Variants in DDAH1 observed in about 807,000 individuals in gnomAD.
DDAH1 encodes the protein N(G),N(G)-dimethylarginine dimethylaminohydrolase 1.
Under a neutral mutation model 28.8 loss-of-function variants are expected in DDAH1, and 19 were observed. That is an observed-to-expected ratio of 0.66 (90% CI 0.46 to 0.97). The LOEUF (loss-of-function observed/expected upper bound fraction) is 0.97. Among genes scored for constraint, DDAH1 ranks in the 50% least tolerant of loss-of-function variants. The pLI is 0.00. For missense variants in DDAH1, 326 were observed against 375.9 expected (o/e 0.87, Z 1.10); for synonymous variants, 153 against 154.4 (o/e 0.99, Z 0.07).
chr1:85,351,606 G>A (rs376827550), intron 2 of DDAH1, 27 bp from the exon 3 acceptor site: 887 of 1,563,230 alleles, frequency 5.7e-4, no homozygotes, highest in Admixed American at 1.2e-3. Flanking sequence ...GGAACATAGT[G>A]AGCAGGTGGC....
intron 1 of DDAH1, among the ~76,000 whole-genome samples, chr1:85,446,627 G>C (rs1478199412): frequency 2.0e-5 from 3 of 152,034 alleles, no homozygotes; most frequent in African/African-American, 7.2e-5. Context: ...TACCTTTTGA[G>C]GCCTAATATC....
At chr1:85,340,611 C>G (rs377092792) in intron 4 of DDAH1, among the ~76,000 whole-genome samples, 3 of 152,178 alleles carry the variant, frequency 2.0e-5, no homozygotes, top group African/African-American at 2.4e-5. Flanking sequence ...TTTCCTAGTC[C>G]AGATCCTCCA....
intron 2 of DDAH1, among the ~76,000 whole-genome samples, chr1:85,487,285 C>G (rs1656237447): frequency 6.6e-6 from 1 of 152,192 alleles, no homozygotes. Context: ...GAATACATGT[C>G]ATGTGGGCAC....
chr1:85,362,959 C>T (rs1310152056), intron 1 of DDAH1, among the ~76,000 whole-genome samples: 3 of 151,992 alleles, frequency 2.0e-5, no homozygotes, highest in African/African-American at 2.4e-5. Flanking sequence ...AAAGAACTCC[C>T]AAAAAACCCA....
chr1:85,329,926 G>A (rs1381220364), intron 4 of DDAH1, among the ~76,000 whole-genome samples: 1 of 152,182 alleles, frequency 6.6e-6, no homozygotes, highest in Non-Finnish European at 1.5e-5. Flanking sequence ...CAAGAAATAT[G>A]CTTTTCCCCC....
At chr1:85,544,314 T>G (rs557078866) in intron 1 of DDAH1, among the ~76,000 whole-genome samples, 1 of 152,196 alleles carries the variant, frequency 6.6e-6, no homozygotes, top group African/African-American at 2.4e-5. Context: ...GTGGCATTGC[T>G]TGACAGACAG....
intron 1 of DDAH1, among the ~76,000 whole-genome samples, chr1:85,428,174 G>A (rs573285998): frequency 2.4e-4 from 36 of 152,228 alleles, no homozygotes; most frequent in African/African-American, 8.4e-4. Context: ...CTCAGAAGAA[G>A]GATATTATTG....
chr1:85,480,762 T>A (rs1146393), intron 2 of DDAH1, among the ~76,000 whole-genome samples: 66,045 of 151,636 alleles, frequency 0.44, 14,828 homozygotes, highest in South Asian at 0.51. Flanking sequence ...ATAAATAAAT[T>A]AATTAATTAA....
At chr1:85,438,326 C>T (rs684569) in intron 1 of DDAH1, among the ~76,000 whole-genome samples, 150,667 of 152,290 alleles carry the variant, frequency 0.99, 74,552 homozygotes, top group East Asian at 1. Flanking sequence ...GAACCTAAAA[C>T]AAAAACTAGA....
At chr1:85,351,437 G>A in intron 3 of DDAH1, 69 bp downstream of exon 3, 1 of 1,238,294 alleles carries the variant, frequency 8.1e-7, no homozygotes, top group Non-Finnish European at 1.2e-6. Context: ...TCATGACATT[G>A]ATTCAATGGT....
At chr1:85,565,431 G>T (rs750413776) in intron 1 of DDAH1, among the ~76,000 whole-genome samples, 3 of 152,072 alleles carry the variant, frequency 2.0e-5, no homozygotes, top group Non-Finnish European at 2.9e-5. Context: ...TATTAGTATT[G>T]CTCTCATGTC....
rs567536234 is a variant in DDAH1 at position 85,545,034 on chromosome 1, A to G, written c.-123+32950T>C. ...GAGCTGCAAAATCTAACATTATATG[A>G]GATATTTTCAAGAAATATTTTGAGC... On this transcript the variant is annotated intron_variant, in intron 1 of 6. Coordinates refer to the DDAH1 transcript ENST00000426972. 3.3e-5 allele frequency among the ~76,000 whole-genome samples: 5 copies of G among 152,288 alleles called. No individual in the cohort carries two copies. The South Asian group carries it at 1.0e-3, about 32-fold the overall frequency.
chr1:85,403,248 C>CAT (rs1163990219), intron 1 of DDAH1, among the ~76,000 whole-genome samples: 2 of 150,450 alleles, frequency 1.3e-5, no homozygotes, highest in Non-Finnish European at 3.0e-5. Context: ...TATATATACA[C>CAT]ACACACATGC....
chr1:85,384,566 A>C (rs1157884458), intron 1 of DDAH1, among the ~76,000 whole-genome samples: 5 of 152,178 alleles, frequency 3.3e-5, no homozygotes, highest in African/African-American at 1.2e-4. Flanking sequence ...TGTTTCATAT[A>C]GTTGGTCCAG....
At chr1:85,515,694 G>C (rs1274452688) in intron 1 of DDAH1, among the ~76,000 whole-genome samples, 1 of 151,944 alleles carries the variant, frequency 6.6e-6, no homozygotes, top group Non-Finnish European at 1.5e-5. Flanking sequence ...AGAAACCTGA[G>C]TATGACTTCT....
intron 1 of DDAH1, among the ~76,000 whole-genome samples, chr1:85,417,799 T>G (rs112552646): frequency 2.7e-3 from 407 of 152,326 alleles, no homozygotes; most frequent in South Asian, 8.1e-3. Context: ...AAGAGTGAAT[T>G]TAGAAAATCA....
chr1:85,465,545 T>G (rs1290847835), upstream of DDAH1, among the ~76,000 whole-genome samples: 1 of 152,208 alleles, frequency 6.6e-6, no homozygotes, highest in Admixed American at 6.5e-5. Flanking sequence ...AAACCTTGCG[T>G]GCTTACAAAG....
intron 1 of DDAH1, among the ~76,000 whole-genome samples, chr1:85,401,239 T>C (rs1487510286): frequency 6.6e-6 from 1 of 152,146 alleles, no homozygotes; most frequent in Non-Finnish European, 1.5e-5. Context: ...CAGGTTACAG[T>C]CCTAAAATGA....
chr1:85,372,159 A>ATGAT (rs1650419157), intron 1 of DDAH1, among the ~76,000 whole-genome samples: 1 of 152,190 alleles, frequency 6.6e-6, no homozygotes, highest in Non-Finnish European at 1.5e-5. Flanking sequence ...AGCATGGCAA[A>ATGAT]TGATTTTGTA....
Sources: gnomAD v4.1 joint callset for allele counts (sites outside exome capture counted in the v4.1 genomes callset) on GRCh38, gnomAD v4.1.1 for gene constraint, MANE v1.5 for transcripts, NCBI Gene and HGNC (gene_info 2026-07-23, HGNC 2026-07-21) for gene names.